TMEM178B: variants seen among roughly 807,000 people sequenced by gnomAD.
The protein encoded by TMEM178B is transmembrane protein 178B.
In TMEM178B, 5 loss-of-function variants were observed where a neutral mutation model predicts 31.0. That is an observed-to-expected ratio of 0.16 (90% confidence interval 0.08 to 0.34). The LOEUF (loss-of-function observed/expected upper bound fraction) is 0.34, where lower values mean the gene tolerates loss of function less well. TMEM178B is among the 10% of genes least tolerant of loss of function. The pLI is 1.00. For synonymous variants in TMEM178B, 164 were observed against 164.0 expected, an observed-to-expected ratio of 1.00 and a Z score of 0.00; for missense variants, 275 against 400.3, an observed-to-expected ratio of 0.69 and a Z score of 2.67.
chr7:141,303,768 G>A (rs1241386770), intron 2 of TMEM178B, among the ~76,000 whole-genome samples: 8 of 152,210 alleles, frequency 5.3e-5, no homozygotes, highest in Non-Finnish European at 1.0e-4. Context: ...TCTTCCCAAA[G>A]CAGGGGAAAA....
chr7:141,211,667 G>C (rs1280581843), intron 1 of TMEM178B, among the ~76,000 whole-genome samples: 1 of 152,132 alleles, frequency 6.6e-6, no homozygotes, highest in African/African-American at 2.4e-5. Flanking sequence ...AGTAATGGGG[G>C]AAGAGCTCCC....
At position 141,478,701 on chromosome 7, in the gene TMEM178B, T is replaced by A. The variant is rs1258552823; in HGVS notation, c.*7915T>A. On this transcript the variant is annotated 3_prime_UTR_variant, in exon 4 of 4. Transcript: ENST00000565468. The stretch of plus-strand genomic sequence containing the variant: ...TTTACATTCTTTTTTCCAAATGAAG[T>A]CTTCAAAATCCAATGTGATTTTCCT... The A allele has an allele frequency of 6.6e-6, 1 of 152,174 alleles. No homozygotes were observed. Among genetic ancestry groups the A allele is most frequent in the Non-Finnish European group, 1.5e-5 (1 of 68,024 alleles). 9.4% of individuals were successfully genotyped at this position (152,174 alleles called of 1,614,324 possible). A position where few individuals can be genotyped will look rare whatever the true frequency, so the allele number is the denominator to read the frequency against.
chr7:141,503,430 G>A, the TMEM178B span, among the ~76,000 whole-genome samples: 6 of 152,182 alleles, frequency 3.9e-5, no homozygotes, highest in African/African-American at 1.4e-4. Flanking sequence ...AGGAGTAGTG[G>A]GGATGAATGA....
At chr7:141,086,869 A>G (rs115828858) in intron 1 of TMEM178B, among the ~76,000 whole-genome samples, 2,451 of 152,138 alleles carry the variant, frequency 0.016, 77 homozygotes, top group African/African-American at 0.056. Context: ...TATATTTTCA[A>G]TAGCAACAGG....
At chr7:141,443,426 G>C (rs1421512692) in intron 3 of TMEM178B, among the ~76,000 whole-genome samples, 1 of 152,156 alleles carries the variant, frequency 6.6e-6, no homozygotes, top group Non-Finnish European at 1.5e-5. Flanking sequence ...CTGTTTCTCA[G>C]ACTTTCCTTG....
intron 2 of TMEM178B, among the ~76,000 whole-genome samples, chr7:141,371,204 C>A (rs1461952284): frequency 6.6e-6 from 1 of 152,132 alleles, no homozygotes; most frequent in African/African-American, 2.4e-5. Flanking sequence ...GAGGTGCTCG[C>A]ATTATGGGCT....
chr7:141,110,684 A>G (rs1795218987), intron 1 of TMEM178B, among the ~76,000 whole-genome samples: 1 of 152,232 alleles, frequency 6.6e-6, no homozygotes, highest in Non-Finnish European at 1.5e-5. Flanking sequence ...AGAGAATAGC[A>G]AATTTCTCCA....
intron 1 of TMEM178B, among the ~76,000 whole-genome samples, chr7:141,168,627 G>A (rs28526011): frequency 0.051 from 7,737 of 152,074 alleles, 607 homozygotes; most frequent in African/African-American, 0.17. Flanking sequence ...CAAATTACCT[G>A]GGTGTGGTGG....
At chr7:141,259,659 A>G (rs1797982869) in intron 2 of TMEM178B, among the ~76,000 whole-genome samples, 1 of 152,184 alleles carries the variant, frequency 6.6e-6, no homozygotes, top group South Asian at 2.1e-4. Flanking sequence ...ATACGTAGCT[A>G]CTAATGTTTC....
At chr7:141,399,142 C>A (rs961092158) in intron 2 of TMEM178B, among the ~76,000 whole-genome samples, 1 of 152,214 alleles carries the variant, frequency 6.6e-6, no homozygotes, top group Non-Finnish European at 1.5e-5. Context: ...TCCATCCTGA[C>A]TTCCCTCCCA....
intron 3 of TMEM178B, among the ~76,000 whole-genome samples, chr7:141,442,282 A>G (rs925941044): frequency 6.6e-6 from 1 of 152,132 alleles, no homozygotes; most frequent in Admixed American, 6.5e-5. Flanking sequence ...AATCAGGTCT[A>G]AGGCTCCATG....
intron 1 of TMEM178B, among the ~76,000 whole-genome samples, chr7:141,210,490 A>G (rs1040699473): frequency 1.2e-4 from 19 of 152,190 alleles, no homozygotes; most frequent in African/African-American, 4.6e-4. Context: ...TTAAAAAAAT[A>G]GGGATGAGGA....
chr7:141,319,064 G>A (rs1484547164), intron 2 of TMEM178B, among the ~76,000 whole-genome samples: 3 of 152,176 alleles, frequency 2.0e-5, no homozygotes, highest in African/African-American at 7.2e-5. Flanking sequence ...AAAGTACAAA[G>A]CAGAAGGCTT....
intron 2 of TMEM178B, among the ~76,000 whole-genome samples, chr7:141,396,123 G>A (rs937441594): frequency 1.3e-5 from 2 of 152,110 alleles, no homozygotes; most frequent in Non-Finnish European, 2.9e-5. Flanking sequence ...GAGAGGGGAG[G>A]TGGGGAGCCA....
intron 2 of TMEM178B, among the ~76,000 whole-genome samples, chr7:141,228,414 A>G (rs760204866): frequency 4.0e-5 from 6 of 151,304 alleles, no homozygotes; most frequent in Non-Finnish European, 8.8e-5. Context: ...CTAGATTCTC[A>G]TCTAGGGGTC....
chr7:141,192,514 A>C (rs1796713701), intron 1 of TMEM178B, among the ~76,000 whole-genome samples: 1 of 148,760 alleles, frequency 6.7e-6, no homozygotes, highest in Non-Finnish European at 1.5e-5. Flanking sequence ...TTTGAGACAG[A>C]GTCTCACTCT....
chr7:141,451,961 A>C (rs1370990584), intron 3 of TMEM178B, among the ~76,000 whole-genome samples: 1 of 152,082 alleles, frequency 6.6e-6, no homozygotes, highest in Non-Finnish European at 1.5e-5. Flanking sequence ...TGACCTCACT[A>C]GGGTTGACCT....
chr7:141,326,821 A>G (rs1459377286), intron 2 of TMEM178B, among the ~76,000 whole-genome samples: 1 of 152,212 alleles, frequency 6.6e-6, no homozygotes, highest in African/African-American at 2.4e-5. Context: ...CTTCTGCAAC[A>G]ATGCAAATCT....
At chr7:141,313,513 A>T in intron 2 of TMEM178B, among the ~76,000 whole-genome samples, 1 of 152,242 alleles carries the variant, frequency 6.6e-6, no homozygotes, top group South Asian at 2.1e-4. Flanking sequence ...GTGGAAACAG[A>T]CCACAGACAT....
Sources: gnomAD v4.1 joint callset for allele counts (sites outside exome capture counted in the v4.1 genomes callset) on GRCh38, gnomAD v4.1.1 for gene constraint, MANE v1.5 for transcripts, NCBI Gene and HGNC (gene_info 2026-07-23, HGNC 2026-07-21) for gene names.